The following ULK4 variants were observed in gnomAD, a reference collection of about 807,000 sequenced individuals.
ULK4 encodes the protein unc-51 like kinase 4.
A neutral mutation model predicts 160.6 loss-of-function variants in ULK4; 133 were observed. The ratio of observed to expected loss-of-function variants is 0.83; its 90% CI spans 0.72 to 0.96. ULK4 has a LOEUF of 0.96. ULK4 is among the 40% of genes least tolerant of loss of function. The pLI is 0.00. For missense variants in ULK4, 1,580 were observed against 1,499.5 expected (o/e 1.05, Z -0.89); for synonymous variants, 534 against 539.8 (o/e 0.99, Z 0.15).
intron 35 of ULK4, among the ~76,000 whole-genome samples, chr3:41,372,959 TAGAG>T (rs1477517116): frequency 3.9e-5 from 6 of 152,020 alleles, no homozygotes; most frequent in South Asian, 4.2e-4. Flanking sequence ...AGCAAGCAAA[TAGAG>T]AGCAAACAAA....
At chr3:41,551,283 T>C (rs900245729) in intron 32 of ULK4, among the ~76,000 whole-genome samples, 2 of 150,506 alleles carry the variant, frequency 1.3e-5, no homozygotes, top group Non-Finnish European at 3.0e-5. Flanking sequence ...AAGATCAGAT[T>C]AGAACTAAAA....
At chr3:41,712,219 T>C (rs2037122674) in intron 25 of ULK4, among the ~76,000 whole-genome samples, 1 of 152,206 alleles carries the variant, frequency 6.6e-6, no homozygotes, top group African/African-American at 2.4e-5. Flanking sequence ...GTAGGTCAAA[T>C]AGGCAAACCA....
At chr3:41,333,776 G>A (rs2080496179) in intron 35 of ULK4, among the ~76,000 whole-genome samples, 1 of 152,116 alleles carries the variant, frequency 6.6e-6, no homozygotes, top group Non-Finnish European at 1.5e-5. Flanking sequence ...CAATTTGGCA[G>A]CACATCAGAA....
At chr3:41,600,413 A>G (rs7625536) in intron 31 of ULK4, among the ~76,000 whole-genome samples, 421 of 152,328 alleles carry the variant, frequency 2.8e-3, no homozygotes, top group African/African-American at 9.6e-3. Context: ...ACCTGTGGCA[A>G]AGAAATCTGA....
At chr3:41,738,889 T>C (rs1156847631) in intron 22 of ULK4, among the ~76,000 whole-genome samples, 1 of 151,932 alleles carries the variant, frequency 6.6e-6, no homozygotes, top group Admixed American at 6.6e-5. Flanking sequence ...TACAAGCTGC[T>C]GGGCCACTCA....
intron 22 of ULK4, among the ~76,000 whole-genome samples, chr3:41,754,072 T>C (rs556340197): frequency 2.7e-4 from 41 of 152,242 alleles, no homozygotes; most frequent in African/African-American, 9.4e-4. Context: ...GGTCCCACCC[T>C]TGACACGTGG....
At chr3:41,423,486 T>C (rs1232404683) in intron 34 of ULK4, among the ~76,000 whole-genome samples, 3 of 151,920 alleles carry the variant, frequency 2.0e-5, no homozygotes, top group Non-Finnish European at 2.9e-5. Flanking sequence ...ACTCTAATAA[T>C]AGAGCATCGT....
chr3:41,327,726 T>A (rs769808978), intron 35 of ULK4, among the ~76,000 whole-genome samples: 1 of 152,176 alleles, frequency 6.6e-6, no homozygotes, highest in African/African-American at 2.4e-5. Context: ...GGATGATAAG[T>A]TGTATTTATG....
chr3:41,625,547 C>G (rs2033466190), intron 30 of ULK4, among the ~76,000 whole-genome samples: 1 of 152,050 alleles, frequency 6.6e-6, no homozygotes, highest in African/African-American at 2.4e-5. Flanking sequence ...CTCGCAGAGG[C>G]CAAGGAGGAT....
At chr3:41,456,056 C>T (rs970580299) in intron 33 of ULK4, among the ~76,000 whole-genome samples, 1 of 152,116 alleles carries the variant, frequency 6.6e-6, no homozygotes, top group Admixed American at 6.5e-5. Context: ...ATTACAGGCT[C>T]TTGCCACCAC....
At chr3:41,276,525 T>C (rs991150387) in intron 35 of ULK4, among the ~76,000 whole-genome samples, 9 of 152,240 alleles carry the variant, frequency 5.9e-5, no homozygotes, top group Admixed American at 4.6e-4. Context: ...TCAAGACAGA[T>C]TGACTGAAAG....
At chr3:41,415,580 A>G (rs901292332) in intron 34 of ULK4, among the ~76,000 whole-genome samples, 1 of 152,000 alleles carries the variant, frequency 6.6e-6, no homozygotes, top group East Asian at 1.9e-4. Context: ...TTCACTGCCT[A>G]TTTTCAAAAG....
At chr3:41,593,925 G>A (rs536274567) in intron 31 of ULK4, among the ~76,000 whole-genome samples, 11 of 151,916 alleles carry the variant, frequency 7.2e-5, no homozygotes, top group African/African-American at 1.9e-4. Flanking sequence ...CCCAGCTACC[G>A]GGGTTGGGGG....
At chr3:41,747,833 G>A (rs1433453314) in intron 22 of ULK4, among the ~76,000 whole-genome samples, 6 of 151,954 alleles carry the variant, frequency 3.9e-5, no homozygotes, top group Admixed American at 2.6e-4. Flanking sequence ...CAAACCTGTC[G>A]ACACCTTGAT....
intron 30 of ULK4, among the ~76,000 whole-genome samples, chr3:41,634,987 G>T (rs1400620633): frequency 6.6e-6 from 1 of 152,138 alleles, no homozygotes; most frequent in Non-Finnish European, 1.5e-5. Context: ...AATAAAACCT[G>T]GTGGTGTCAA....
chr3:41,759,104 T>C (rs1338046934), intron 21 of ULK4, among the ~76,000 whole-genome samples: 1 of 152,134 alleles, frequency 6.6e-6, no homozygotes, highest in Non-Finnish European at 1.5e-5. Flanking sequence ...GACAAGGTGT[T>C]TCCCCAGAAA....
intron 31 of ULK4, among the ~76,000 whole-genome samples, chr3:41,568,674 A>C (rs1302322537): frequency 6.6e-6 from 1 of 152,098 alleles, no homozygotes; most frequent in African/African-American, 2.4e-5. Flanking sequence ...CTCTTCTCTC[A>C]CTCAGTAATA....
intron 17 of ULK4, among the ~76,000 whole-genome samples, chr3:41,855,731 T>C (rs1254816033): frequency 6.6e-6 from 1 of 152,204 alleles, no homozygotes; most frequent in African/African-American, 2.4e-5. Context: ...GCTTCAGGGA[T>C]CAGCTCTGAT....
intron 27 of ULK4, among the ~76,000 whole-genome samples, chr3:41,691,687 C>T (rs2036305798): frequency 6.6e-6 from 1 of 151,764 alleles, no homozygotes; most frequent in African/African-American, 2.4e-5. Context: ...TGTCTTAGGA[C>T]CTGAGAAATT....
Sources: allele counts gnomAD v4.1 joint callset (sites outside exome capture counted in the v4.1 genomes callset), GRCh38; gene constraint gnomAD v4.1.1; transcripts MANE v1.5; gene names NCBI Gene and HGNC (gene_info 2026-07-23, HGNC 2026-07-21).